The following UPRT variants were observed in gnomAD, a reference collection of about 807,000 sequenced individuals.
UPRT encodes uracil phosphoribosyltransferase homolog.
In UPRT, 5 loss-of-function variants were observed where a neutral mutation model predicts 22.6. The observed-to-expected ratio is 0.22, with a 90% CI of 0.12 to 0.47. The LOEUF (loss-of-function observed/expected upper bound fraction) is 0.47. Ranked by LOEUF, UPRT falls within the 20% of genes least tolerant of loss-of-function variation. The pLI is 0.99. For missense variants in UPRT, 181 were observed against 239.9 expected, an observed-to-expected ratio of 0.75 and a Z score of 1.62; for synonymous variants, 77 against 87.7, an observed-to-expected ratio of 0.88 and a Z score of 0.68.
At chrX:75,263,841 G>A (rs1321274575) in intron 4 of UPRT, among the ~76,000 whole-genome samples, 4 of 110,130 alleles carry the variant, frequency 3.6e-5, no homozygotes, top group African/African-American at 9.9e-5. Context: ...TCCTGCTTTC[G>A]CTTGTGGGCA....
At chrX:75,234,209 AG>A (rs2082450881) in intron 4 of UPRT, among the ~76,000 whole-genome samples, 1 of 111,716 alleles carries the variant, frequency 9.0e-6, no homozygotes, top group Non-Finnish European at 1.9e-5. Context: ...TCAATGGTAA[AG>A]GGATCGATTC....
chrX:75,227,516 C>T (rs749082680), intron 4 of UPRT, among the ~76,000 whole-genome samples: 13 of 111,564 alleles, frequency 1.2e-4, no homozygotes, highest in Non-Finnish European at 1.9e-4. Flanking sequence ...ACCTGAGGCC[C>T]AGAGAGGGGA....
chrX:75,291,362 A>G (rs1358566183), intron 1 of UPRT: 3 of 312,527 alleles, frequency 9.6e-6, no homozygotes, highest in African/African-American at 8.2e-5. Flanking sequence ...AACTATTATC[A>G]GATAGAAGAT....
chrX:75,191,114 T>C (rs779886460), intron 4 of UPRT, among the ~76,000 whole-genome samples: 1 of 112,023 alleles, frequency 8.9e-6, no homozygotes, highest in Non-Finnish European at 1.9e-5. Context: ...TGGTTTTATC[T>C]ACCTTTGATC....
intron 4 of UPRT, among the ~76,000 whole-genome samples, chrX:75,298,156 A>ATT (rs1248674270): frequency 1.0e-5 from 1 of 97,233 alleles, no homozygotes; most frequent in Non-Finnish European, 2.1e-5. Flanking sequence ...TTAAAAAACA[A>ATT]TTTTTTTTTT....
chrX:75,177,857 A>C (rs2082253665), intron 4 of UPRT, among the ~76,000 whole-genome samples: 1 of 112,323 alleles, frequency 8.9e-6, no homozygotes, highest in African/African-American at 3.2e-5. Flanking sequence ...AGTCATTCTT[A>C]TAGGAGAAAC....
chrX:75,170,208 T>C (rs775432745), intron 4 of UPRT, among the ~76,000 whole-genome samples: 2 of 110,719 alleles, frequency 1.8e-5, no homozygotes, highest in African/African-American at 6.6e-5. Context: ...AGCTAATTTT[T>C]GCATTTTTAG....
intron 4 of UPRT, chrX:75,201,431 T>C: frequency 8.4e-6 from 1 of 119,072 alleles, no homozygotes; most frequent in Non-Finnish European, 1.8e-5. Flanking sequence ...GCTGTATTCC[T>C]GGAGGTATCA....
chrX:75,267,425 G>A (rs189629192), intron 4 of UPRT, among the ~76,000 whole-genome samples: 3 of 111,611 alleles, frequency 2.7e-5, no homozygotes, highest in Middle Eastern at 4.6e-3. Context: ...AAGGCCTGTC[G>A]TGGGGTGTGT....
At chrX:75,275,475 T>C (rs986616633) in intron 1 of UPRT, among the ~76,000 whole-genome samples, 1 of 111,478 alleles carries the variant, frequency 9.0e-6, no homozygotes, top group African/African-American at 3.3e-5. Flanking sequence ...GCCTTGATCT[T>C]TTAAAAATGG....
At chrX:75,218,804 C>T (rs1439116645) in intron 4 of UPRT, among the ~76,000 whole-genome samples, 3 of 107,564 alleles carry the variant, frequency 2.8e-5, no homozygotes, top group East Asian at 2.9e-4. Context: ...AACCAAACAC[C>T]GCATATTCTC....
At chrX:75,221,117 G>T (rs1253901680) in intron 4 of UPRT, among the ~76,000 whole-genome samples, 2 of 110,960 alleles carry the variant, frequency 1.8e-5, no homozygotes, top group Non-Finnish European at 3.8e-5. Context: ...TCTTCTTTTA[G>T]CACTTTAAAT....
At chrX:75,280,701 G>A (rs1393073841) in intron 1 of UPRT, among the ~76,000 whole-genome samples, 2 of 111,605 alleles carry the variant, frequency 1.8e-5, no homozygotes, top group Non-Finnish European at 3.8e-5. Flanking sequence ...AAATCAGGTA[G>A]TGTGACACTT....
rs1313944448 is a variant in UPRT at position 75,184,268 on chromosome X, T to G, written c.-447+16389T>G. 4.5e-5 allele frequency among the ~76,000 whole-genome samples: 5 copies of G among 112,229 alleles called. No individual in the cohort carries two copies. In the Admixed American group the frequency reaches 4.7e-4, roughly 11 times the overall value. On this transcript the variant is annotated intron_variant, in intron 4 of 13. Coordinates refer to the UPRT transcript ENST00000652605. ...GCTTGCCAGTTTTCCCAGCACCATTTATTAAATAGGGAATCCTTTCCCCAT... is the reference window on the plus strand; with the variant it reads ...GCTTGCCAGTTTTCCCAGCACCATTGATTAAATAGGGAATCCTTTCCCCAT...
chrX:75,205,572 T>C (rs1348528180), intron 4 of UPRT, among the ~76,000 whole-genome samples: 1 of 110,819 alleles, frequency 9.0e-6, no homozygotes, highest in Non-Finnish European at 1.9e-5. Context: ...TGTGCTCTTT[T>C]TAGCTTGGAA....
chrX:75,234,425 A>G (rs1161310250), intron 4 of UPRT, among the ~76,000 whole-genome samples: 1 of 111,470 alleles, frequency 9.0e-6, no homozygotes, highest in Admixed American at 9.5e-5. Context: ...TCAGCTCTGT[A>G]CCAAGCAGAC....
chrX:75,216,823 C>T (rs1286211027), intron 4 of UPRT, among the ~76,000 whole-genome samples: 2 of 112,237 alleles, frequency 1.8e-5, no homozygotes, highest in African/African-American at 3.2e-5. Flanking sequence ...GGCGCAATCT[C>T]GGCTCACTGC....
chrX:75,208,597 AT>A (rs2082372604), intron 4 of UPRT, among the ~76,000 whole-genome samples: 1 of 111,825 alleles, frequency 8.9e-6, no homozygotes. Flanking sequence ...CACCAGATGG[AT>A]TGGCACCACC....
chrX:75,291,511 T>C (rs1602495474), intron 1 of UPRT: 2 of 277,019 alleles, frequency 7.2e-6, no homozygotes, highest in East Asian at 2.4e-4. Flanking sequence ...CAGCCTAGCG[T>C]TGTGTCTAAA....
Sources: allele counts gnomAD v4.1 joint callset (sites outside exome capture counted in the v4.1 genomes callset), GRCh38; gene constraint gnomAD v4.1.1; transcripts MANE v1.5; gene names NCBI Gene and HGNC (gene_info 2026-07-23, HGNC 2026-07-21).